PRKN: variants seen among roughly 807,000 people sequenced by gnomAD.
The protein encoded by PRKN is E3 ubiquitin-protein ligase parkin.
PRKN carries 56 observed loss-of-function variants against 59.5 expected under a neutral mutation model. The observed-to-expected ratio is 0.94, with a 90% confidence interval of 0.76 to 1.18. The LOEUF (loss-of-function observed/expected upper bound fraction) is 1.18, where lower values mean the gene tolerates loss of function less well. Ranked by LOEUF, PRKN falls within the 50% of genes most tolerant of loss-of-function variation. PRKN has a pLI of 0.00. For missense variants in PRKN, 657 were observed against 596.4 expected (o/e 1.10, Z -1.06); for synonymous variants, 250 against 222.1 (o/e 1.13, Z -1.12).
At chr6:161,464,506 T>C (rs1450592950) in intron 9 of PRKN, among the ~76,000 whole-genome samples, 1 of 152,362 alleles carries the variant, frequency 6.6e-6, no homozygotes, top group African/African-American at 2.4e-5. Context: ...TGGCAATATA[T>C]GCACCACTAC....
chr6:161,934,291 G>C (rs1314131492), intron 6 of PRKN, among the ~76,000 whole-genome samples: 1 of 152,148 alleles, frequency 6.6e-6, no homozygotes, highest in African/African-American at 2.4e-5. Context: ...GTGGAACTGT[G>C]AGTCAATTAA....
intron 2 of PRKN, among the ~76,000 whole-genome samples, chr6:162,275,921 G>C (rs986035973): frequency 6.6e-6 from 1 of 152,196 alleles, no homozygotes; most frequent in African/African-American, 2.4e-5. Flanking sequence ...AGAGGCGCAA[G>C]AGTCTTTGGT....
intron 6 of PRKN, among the ~76,000 whole-genome samples, chr6:161,818,720 T>C (rs562795460): frequency 6.6e-6 from 1 of 151,980 alleles, no homozygotes; most frequent in South Asian, 2.1e-4. Flanking sequence ...AGTAAGACAG[T>C]AGCAATGATG....
At chr6:161,873,778 C>A (rs1254610294) in intron 6 of PRKN, among the ~76,000 whole-genome samples, 2 of 150,316 alleles carry the variant, frequency 1.3e-5, no homozygotes, top group South Asian at 2.1e-4. Context: ...TGGCCATAGT[C>A]ACTTTCCTCT....
At chr6:162,227,947 A>C (rs1778253085) in intron 3 of PRKN, among the ~76,000 whole-genome samples, 1 of 152,042 alleles carries the variant, frequency 6.6e-6, no homozygotes, top group African/African-American at 2.4e-5. Flanking sequence ...AAAAAAAAAA[A>C]AACTTAACTA....
chr6:162,577,639 G>C (rs1429685799), intron 1 of PRKN, among the ~76,000 whole-genome samples: 2 of 147,820 alleles, frequency 1.4e-5, no homozygotes, highest in South Asian at 4.4e-4. Context: ...AAATATAATT[G>C]GCAAAAATGG....
intron 5 of PRKN, among the ~76,000 whole-genome samples, chr6:162,008,326 T>A (rs1032205952): frequency 6.6e-6 from 1 of 152,178 alleles, no homozygotes; most frequent in Non-Finnish European, 1.5e-5. Context: ...ACCTGCTTCG[T>A]GCCCCGGGGG....
At chr6:161,810,817 T>G (rs1791528620) in intron 6 of PRKN, among the ~76,000 whole-genome samples, 1 of 152,142 alleles carries the variant, frequency 6.6e-6, no homozygotes, top group South Asian at 2.1e-4. Flanking sequence ...TAATTCAAAT[T>G]CAACACGATG....
intron 6 of PRKN, among the ~76,000 whole-genome samples, chr6:161,969,517 C>A (rs1780719268): frequency 6.6e-6 from 1 of 151,864 alleles, no homozygotes; most frequent in African/African-American, 2.4e-5. Flanking sequence ...TTCTGTTTAG[C>A]CCTTAGGAAA....
chr6:161,874,774 T>A (rs1583283571), intron 6 of PRKN, among the ~76,000 whole-genome samples: 3 of 112,356 alleles, frequency 2.7e-5, no homozygotes, highest in South Asian at 2.9e-4. Flanking sequence ...ATATATAATA[T>A]ATAAAATGTA....
rs956189556 is a variant in PRKN at position 161,503,733 on chromosome 6, A to C, written c.1083+45121T>G. Among the ~76,000 whole-genome samples the C allele has an allele frequency of 2.0e-5, 3 of 152,214 alleles. No individual in the cohort carries two copies. Among genetic ancestry groups the C allele is most frequent in the African/African-American group, 7.2e-5 (3 of 41,454 alleles). On this transcript the variant is annotated intron_variant, in intron 9 of 11. Transcript: ENST00000366898. The surrounding 1 kb of genome is among the most constrained non-coding windows in gnomAD (Gnocchi z 5.1). ...GCCTGCAGTTGCTGTTTTAAAAAAG[A>C]GGTTGTAAACATCACTCACTGCACC...
chr6:161,791,828 C>T (rs1302590991), intron 6 of PRKN, among the ~76,000 whole-genome samples: 1 of 152,214 alleles, frequency 6.6e-6, no homozygotes, highest in Non-Finnish European at 1.5e-5. Flanking sequence ...TGAGCTCCAC[C>T]TCCTCTGTAG....
chr6:161,496,056 A>G (rs999713829), intron 9 of PRKN, among the ~76,000 whole-genome samples: 3 of 152,238 alleles, frequency 2.0e-5, no homozygotes, highest in African/African-American at 7.2e-5. Flanking sequence ...TGCTTAGCAC[A>G]TAGAAGTGCC....
chr6:161,591,640 T>C (rs1583269649), intron 7 of PRKN, among the ~76,000 whole-genome samples: 1 of 152,214 alleles, frequency 6.6e-6, no homozygotes, highest in Admixed American at 6.5e-5. Context: ...GTTTCAAATA[T>C]CCGAAGGTAA....
intron 2 of PRKN, among the ~76,000 whole-genome samples, chr6:162,328,637 G>A (rs890424981): frequency 5.9e-5 from 9 of 152,188 alleles, no homozygotes; most frequent in African/African-American, 2.2e-4. Context: ...AACGAATAAA[G>A]GAAGAAATGG....
intron 2 of PRKN, among the ~76,000 whole-genome samples, chr6:162,293,505 C>A (rs562354146): frequency 6.6e-6 from 1 of 152,150 alleles, no homozygotes; most frequent in Non-Finnish European, 1.5e-5. Flanking sequence ...GGAGACCCAG[C>A]GGAGAGGGAG....
At chr6:161,553,901 A>T (rs773961142) in intron 8 of PRKN, among the ~76,000 whole-genome samples, 3 of 152,196 alleles carry the variant, frequency 2.0e-5, no homozygotes, top group Non-Finnish European at 2.9e-5. Context: ...TGCTATGGAA[A>T]ATTACTCAGG....
intron 4 of PRKN, among the ~76,000 whole-genome samples, chr6:162,088,852 C>T (rs1027323155): frequency 2.0e-5 from 3 of 152,196 alleles, no homozygotes; most frequent in Non-Finnish European, 2.9e-5. Context: ...CCTCAATAAA[C>T]GGCATATGCA....
intron 7 of PRKN, among the ~76,000 whole-genome samples, chr6:161,636,577 G>A (rs899800942): frequency 2.0e-5 from 3 of 152,174 alleles, no homozygotes; most frequent in African/African-American, 7.2e-5. Context: ...TGCAACGAAA[G>A]AGCCACTTGC....
Sources: gnomAD v4.1 joint callset for allele counts (sites outside exome capture counted in the v4.1 genomes callset) on GRCh38, gnomAD v4.1.1 for gene constraint, Gnocchi (gnomAD v3.1) non-coding constraint, MANE v1.5 for transcripts, NCBI Gene and HGNC (gene_info 2026-07-23, HGNC 2026-07-21) for gene names.